Variants in LRRC4C observed in about 807,000 individuals in gnomAD.
LRRC4C encodes the protein leucine rich repeat containing 4C.
In LRRC4C, 5 loss-of-function variants were observed where a neutral mutation model predicts 33.6. That is an observed-to-expected ratio of 0.15 (90% CI 0.08 to 0.31). LRRC4C has a LOEUF of 0.31. LRRC4C is among the 10% of genes least tolerant of loss of function. The probability of loss-of-function intolerance (pLI) is 1.00; values close to 1 mark genes in which losing one functional copy is unlikely to be tolerated. For synonymous variants in LRRC4C, 329 were observed against 302.0 expected, an observed-to-expected ratio of 1.09 and a Z score of -0.93; for missense variants, 560 against 796.7, an observed-to-expected ratio of 0.70 and a Z score of 3.58.
intron 1 of LRRC4C, among the ~76,000 whole-genome samples, chr11:41,172,302 C>T (rs1347937901): frequency 6.6e-6 from 1 of 151,672 alleles, no homozygotes; most frequent in East Asian, 1.9e-4. Flanking sequence ...AATTATATAG[C>T]CCTTAGAAGC....
intron 2 of LRRC4C, among the ~76,000 whole-genome samples, chr11:40,759,885 C>T (rs1419387893): frequency 6.7e-6 from 1 of 148,348 alleles, no homozygotes; most frequent in Non-Finnish European, 1.5e-5. Flanking sequence ...CCTATATGCA[C>T]TGAGAGTTAA....
intron 1 of LRRC4C, among the ~76,000 whole-genome samples, chr11:41,230,653 C>G (rs538274091): frequency 6.6e-6 from 1 of 152,086 alleles, no homozygotes; most frequent in Non-Finnish European, 1.5e-5. Flanking sequence ...TTTCTAAACC[C>G]TAGAAGAAAA....
intron 2 of LRRC4C, among the ~76,000 whole-genome samples, chr11:40,794,980 A>AG (rs1950768329): frequency 6.6e-6 from 1 of 152,194 alleles, no homozygotes; most frequent in Non-Finnish European, 1.5e-5. Context: ...CTCAATTCTT[A>AG]GTTAGACATC....
chr11:41,177,213 G>A (rs753210478), intron 1 of LRRC4C, among the ~76,000 whole-genome samples: 1 of 152,160 alleles, frequency 6.6e-6, no homozygotes, highest in Non-Finnish European at 1.5e-5. Context: ...GGATAAGAGA[G>A]ACTGAAGACT....
chr11:41,043,874 C>T (rs575781734), intron 1 of LRRC4C, among the ~76,000 whole-genome samples: 1 of 151,984 alleles, frequency 6.6e-6, no homozygotes, highest in African/African-American at 2.4e-5. Flanking sequence ...TCATTTCTCA[C>T]CTGAACTCCA....
intron 1 of LRRC4C, among the ~76,000 whole-genome samples, chr11:40,982,583 C>T (rs1189129736): frequency 6.6e-6 from 1 of 152,120 alleles, no homozygotes; most frequent in East Asian, 1.9e-4. Flanking sequence ...CTAAGAGATG[C>T]TGCCACTGCT....
At chr11:41,312,433 G>T (rs1950668546) in intron 1 of LRRC4C, among the ~76,000 whole-genome samples, 1 of 152,132 alleles carries the variant, frequency 6.6e-6, no homozygotes, top group African/African-American at 2.4e-5. Flanking sequence ...TGAACAACTT[G>T]CCTTCAACTC....
chr11:41,391,796 T>C (rs1301707651), intron 1 of LRRC4C, among the ~76,000 whole-genome samples: 2 of 151,948 alleles, frequency 1.3e-5, no homozygotes, highest in African/African-American at 4.8e-5. Flanking sequence ...TCAGTATTGA[T>C]AAATATTTTT....
At chr11:41,449,057 T>TAAAAAAAA (rs1955931852) in intron 1 of LRRC4C, among the ~76,000 whole-genome samples, 1 of 152,228 alleles carries the variant, frequency 6.6e-6, no homozygotes, top group African/African-American at 2.4e-5. Flanking sequence ...AGGTAGTCTC[T>TAAAAAAAA]ATTCTTCACT....
At chr11:40,372,577 C>T (rs1472299996) in intron 3 of LRRC4C, among the ~76,000 whole-genome samples, 1 of 152,162 alleles carries the variant, frequency 6.6e-6, no homozygotes, top group African/African-American at 2.4e-5. Context: ...TTGTTCACAG[C>T]TTCCAGAAAT....
At chr11:40,162,640 C>T (rs1032578927) in intron 5 of LRRC4C, among the ~76,000 whole-genome samples, 9 of 152,220 alleles carry the variant, frequency 5.9e-5, no homozygotes, top group East Asian at 5.8e-4. Context: ...AGTGTTCATC[C>T]GCTTGTTTCC....
intron 4 of LRRC4C, among the ~76,000 whole-genome samples, chr11:40,249,873 T>C (rs1866641877): frequency 6.6e-6 from 1 of 152,188 alleles, no homozygotes; most frequent in South Asian, 2.1e-4. Flanking sequence ...CTGCCTTTTG[T>C]TCTGATAAGA....
chr11:41,125,650 T>C (rs1942700643), intron 1 of LRRC4C, among the ~76,000 whole-genome samples: 1 of 152,184 alleles, frequency 6.6e-6, no homozygotes, highest in African/African-American at 2.4e-5. Flanking sequence ...TCAAGGTAGA[T>C]TTTGTTCATC....
chr11:40,804,331 T>C (rs1951160176), intron 2 of LRRC4C, among the ~76,000 whole-genome samples: 1 of 152,178 alleles, frequency 6.6e-6, no homozygotes, highest in African/African-American at 2.4e-5. Context: ...GAATAAGAAA[T>C]ACATCCGTAG....
At chr11:40,365,364 C>T (rs1036812837) in intron 3 of LRRC4C, among the ~76,000 whole-genome samples, 8 of 152,012 alleles carry the variant, frequency 5.3e-5, no homozygotes, top group East Asian at 1.9e-4. Context: ...AATACTTTTG[C>T]CAATTCTCCT....
At chr11:40,984,748 A>G (rs529214537) in intron 1 of LRRC4C, among the ~76,000 whole-genome samples, 18 of 152,216 alleles carry the variant, frequency 1.2e-4, no homozygotes, top group African/African-American at 4.3e-4. Flanking sequence ...GGGAGAATAG[A>G]ATCATCAACT....
At chr11:41,044,106 C>A (rs1024992449) in intron 1 of LRRC4C, among the ~76,000 whole-genome samples, 1 of 151,948 alleles carries the variant, frequency 6.6e-6, no homozygotes, top group Non-Finnish European at 1.5e-5. Flanking sequence ...ATATTAGAAG[C>A]CAAATTGTGA....
In LRRC4C at chr11:40,238,897, C is replaced by G. The variant is rs115320484; in HGVS notation, c.-96+2622G>C. ...TAGGCCCAGTAGAAAAATAAATCAA[C>G]AGTTGATAAATGCAGAAAAACACTG... On this transcript the variant is annotated intron_variant, in intron 5 of 6. Coordinates refer to ENST00000528697, the MANE Select transcript of LRRC4C (RefSeq NM_001258419.2). 1.5e-3 allele frequency among the ~76,000 whole-genome samples: 235 copies of G among 152,234 alleles called. 3 individuals carry two copies. The highest frequency in any genetic ancestry group is 5.5e-3 in the African/African-American group (227 of 41,558).
intron 1 of LRRC4C, among the ~76,000 whole-genome samples, chr11:41,008,368 G>T (rs921178652): frequency 6.6e-6 from 1 of 152,012 alleles, no homozygotes. Flanking sequence ...TGACTTTAAC[G>T]CCTACCACTC....
Sources: gnomAD v4.1 joint callset for allele counts (sites outside exome capture counted in the v4.1 genomes callset) on GRCh38, gnomAD v4.1.1 for gene constraint, MANE v1.5 for transcripts, NCBI Gene and HGNC (gene_info 2026-07-23, HGNC 2026-07-21) for gene names.